The following GMDS variants were observed in gnomAD, a reference collection of about 807,000 sequenced individuals.
GMDS encodes GDP-mannose 4,6 dehydratase.
In GMDS, 20 loss-of-function variants were observed where a neutral mutation model predicts 49.9. That is an observed-to-expected ratio of 0.40 (90% CI 0.28 to 0.58). The LOEUF is 0.58. Ranked by LOEUF, GMDS falls within the 20% of genes least tolerant of loss-of-function variation. GMDS has a pLI of 0.42. For missense variants in GMDS, 362 were observed against 481.4 expected, an observed-to-expected ratio of 0.75 and a Z score of 2.32; for synonymous variants, 177 against 178.6, an observed-to-expected ratio of 0.99 and a Z score of 0.07.
intron 1 of GMDS, among the ~76,000 whole-genome samples, chr6:2,160,286 T>A (rs1203768862): frequency 1.3e-5 from 2 of 152,200 alleles, no homozygotes; most frequent in East Asian, 1.9e-4. Context: ...AGAGTGACAG[T>A]GGCTGACATT....
At chr6:1,641,317 G>A (rs1280988544) in intron 9 of GMDS, among the ~76,000 whole-genome samples, 3 of 152,212 alleles carry the variant, frequency 2.0e-5, no homozygotes, top group South Asian at 2.1e-4. Flanking sequence ...TCACTGTCAC[G>A]TTAGTGAAGA....
chr6:2,155,472 A>G (rs1192820061), intron 1 of GMDS, among the ~76,000 whole-genome samples: 4 of 152,126 alleles, frequency 2.6e-5, no homozygotes, highest in African/African-American at 9.7e-5. Context: ...CCCAAAATTT[A>G]TTTTGGACCT....
chr6:2,244,112 C>A (rs1781747563), intron 1 of GMDS, among the ~76,000 whole-genome samples: 1 of 151,932 alleles, frequency 6.6e-6, no homozygotes, highest in African/African-American at 2.4e-5. Context: ...TCGAGCAATC[C>A]TTCCACCTCT....
At position 2,067,442 on chromosome 6, in the gene GMDS, C is replaced by CA. The variant is rs1323833156; in HGVS notation, c.345+48328dup. Among the ~76,000 whole-genome samples, 8 of 151,378 alleles carry CA rather than the reference C, an allele frequency of 5.3e-5. 1 individual carries two copies. Among genetic ancestry groups the CA allele is most frequent in the Admixed American group, 2.6e-4 (4 of 15,216 alleles). ...AGCAGAACTGAAGGAAATAGAGACA[C>CA]AAAAAACCCTTCAAAAAATTAATGA... On this transcript the variant is annotated intron_variant, in intron 4 of 10. Coordinates refer to ENST00000380815, the MANE Select transcript of GMDS (RefSeq NM_001500.4).
intron 7 of GMDS, among the ~76,000 whole-genome samples, chr6:1,926,373 G>C (rs1762008760): frequency 6.6e-6 from 1 of 152,150 alleles, no homozygotes; most frequent in African/African-American, 2.4e-5. Context: ...CCCACAACCT[G>C]CCCATCTGCA....
chr6:1,729,859 C>T (rs1008022623), intron 8 of GMDS, among the ~76,000 whole-genome samples: 9 of 152,122 alleles, frequency 5.9e-5, no homozygotes, highest in African/African-American at 1.9e-4. Context: ...ATAACAGAAT[C>T]AAGGACAATA....
At chr6:2,042,686 T>A (rs1159458710) in intron 4 of GMDS, among the ~76,000 whole-genome samples, 2 of 152,238 alleles carry the variant, frequency 1.3e-5, no homozygotes, top group Non-Finnish European at 2.9e-5. Flanking sequence ...TTTTGATGTA[T>A]GTAGTCTTTA....
intron 6 of GMDS, among the ~76,000 whole-genome samples, chr6:1,939,462 G>A (rs1345831106): frequency 1.3e-5 from 2 of 151,758 alleles, no homozygotes; most frequent in Admixed American, 1.3e-4. Flanking sequence ...TGATTAAAGA[G>A]GCTGGGTGTT....
intron 4 of GMDS, among the ~76,000 whole-genome samples, chr6:1,989,844 C>T (rs928036745): frequency 6.6e-6 from 1 of 152,262 alleles, no homozygotes; most frequent in Admixed American, 6.5e-5. Flanking sequence ...AAGATACGCC[C>T]TTGGGGCCAG....
At chr6:1,947,341 C>A (rs1763118726) in intron 6 of GMDS, among the ~76,000 whole-genome samples, 4 of 152,188 alleles carry the variant, frequency 2.6e-5, no homozygotes, top group African/African-American at 7.2e-5. Flanking sequence ...CTCCTTAAAA[C>A]AAGGTTTATT....
intron 7 of GMDS, among the ~76,000 whole-genome samples, chr6:1,898,392 G>A (rs1760329153): frequency 6.6e-6 from 1 of 152,232 alleles, no homozygotes; most frequent in African/African-American, 2.4e-5. Flanking sequence ...GGAAACTCAT[G>A]CTTGCAGGTA....
intron 1 of GMDS, among the ~76,000 whole-genome samples, chr6:2,148,838 G>C (rs1362340417): frequency 6.6e-6 from 1 of 152,218 alleles, no homozygotes; most frequent in Admixed American, 6.5e-5. Flanking sequence ...CCAAATCTGA[G>C]TAAGTCTATG....
chr6:2,000,426 G>T (rs1006603710), intron 4 of GMDS, among the ~76,000 whole-genome samples: 1 of 151,988 alleles, frequency 6.6e-6, no homozygotes, highest in African/African-American at 2.4e-5. Flanking sequence ...GTATTCATTA[G>T]CAGTCACCTC....
intron 7 of GMDS, among the ~76,000 whole-genome samples, chr6:1,745,002 CAG>C (rs1491422151): frequency 6.6e-5 from 10 of 152,070 alleles, no homozygotes; most frequent in African/African-American, 2.2e-4. Context: ...CACACACACA[CAG>C]AAACTTATTT....
chr6:2,016,243 A>G (rs1767894089), intron 4 of GMDS, among the ~76,000 whole-genome samples: 1 of 150,984 alleles, frequency 6.6e-6, no homozygotes, highest in Non-Finnish European at 1.5e-5. Flanking sequence ...TAGGCAACAG[A>G]GCAAGGCTCG....
chr6:1,825,508 T>C (rs1427485171), intron 7 of GMDS, among the ~76,000 whole-genome samples: 2 of 152,210 alleles, frequency 1.3e-5, no homozygotes, highest in Non-Finnish European at 1.5e-5. Flanking sequence ...AATGTGTCCT[T>C]AGGTGATTTT....
chr6:2,128,688 G>C (rs535482602), intron 1 of GMDS, among the ~76,000 whole-genome samples: 3 of 152,170 alleles, frequency 2.0e-5, no homozygotes, highest in Non-Finnish European at 4.4e-5. Flanking sequence ...AAAATAATAA[G>C]AGACCATAAA....
intron 7 of GMDS, among the ~76,000 whole-genome samples, chr6:1,859,302 A>G (rs895614004): frequency 6.6e-6 from 1 of 152,172 alleles, no homozygotes. Flanking sequence ...GGCCCTCTAC[A>G]AACTATTTAC....
chr6:2,183,408 AGAAGTGCAGCCT>A (rs1380998612), intron 1 of GMDS, among the ~76,000 whole-genome samples: 3 of 152,244 alleles, frequency 2.0e-5, no homozygotes, highest in African/African-American at 7.2e-5. Context: ...GAAGAACCAC[AGAAGTGCAGCCT>A]GAAGATAGGA....
Sources: gnomAD v4.1 joint callset for allele counts (sites outside exome capture counted in the v4.1 genomes callset) on GRCh38, gnomAD v4.1.1 for gene constraint, MANE v1.5 for transcripts, NCBI Gene and HGNC (gene_info 2026-07-23, HGNC 2026-07-21) for gene names.